ASNS: variants seen among roughly 807,000 people sequenced by gnomAD.
The protein encoded by ASNS is asparagine synthetase (glutamine-hydrolyzing), also known as asparagine synthetase [glutamine-hydrolyzing].
A neutral mutation model predicts 62.6 loss-of-function variants in ASNS; 37 were observed. The ratio of observed to expected loss-of-function variants is 0.59; its 90% CI spans 0.45 to 0.78. The LOEUF (loss-of-function observed/expected upper bound fraction) is 0.78. ASNS is among the 30% of genes least tolerant of loss of function. The probability of loss-of-function intolerance (pLI) is 0.00; values close to 1 mark genes in which losing one functional copy is unlikely to be tolerated. For missense variants in ASNS, 520 were observed against 682.4 expected, an observed-to-expected ratio of 0.76 and a Z score of 2.65; for synonymous variants, 207 against 237.9, an observed-to-expected ratio of 0.87 and a Z score of 1.19.
At position 97,852,141 on chromosome 7, in the gene ASNS, C is replaced by T; in HGVS notation, c.*118G>A. 2.6e-6 allele frequency: 3 copies of T among 1,141,584 alleles called. No individual in the cohort carries two copies. The highest frequency in any genetic ancestry group is 3.7e-6 in the Non-Finnish European group (3 of 800,958). 70.7% of individuals were successfully genotyped at this position (1,141,584 alleles called of 1,614,324 possible). A position where few individuals can be genotyped will look rare whatever the true frequency, so the allele number is the denominator to read the frequency against. ...CTACAGCAATGGTTTAGATTTAGGA[C>T]TTTTATTTTTTTCACACCCAAGTTA... On this transcript the variant is annotated 3_prime_UTR_variant, in exon 13 of 13. Transcript: ENST00000394308.
intron 3 of ASNS, 70 bp from the exon 4 acceptor site, chr7:97,864,566 G>T: frequency 9.3e-7 from 1 of 1,073,442 alleles, no homozygotes; most frequent in Non-Finnish European, 1.4e-6. Context: ...TTATTGCAAA[G>T]ATGCTTCAGT....
rs1435561337 is a variant in ASNS, at chr7:97,858,967, G to T, written c.674-12C>A. On this transcript the variant is annotated splice_polypyrimidine_tract_variant and intron_variant, in intron 5 of 12. Transcript: ENST00000394308. ...TTCTATCTCAAAACCTATAAACACA[G>T]CAGTAAATCAAACAGCTCCAGAAAA... is the stretch of plus-strand genomic sequence containing the variant. 1.9e-6 allele frequency: 3 copies of T among 1,594,160 alleles called. No individual in the cohort carries two copies. Among genetic ancestry groups the T allele is most frequent in the Non-Finnish European group, 2.6e-6 (3 of 1,172,442 alleles).
chr7:97,898,318 GCTA>G, the ASNS span: 1 of 456,632 alleles, frequency 2.2e-6, no homozygotes, highest in African/African-American at 2.2e-5. Context: ...CTTCTTATTT[GCTA>G]CTGTTTTAAG....
chr7:97,886,782 G>T, the ASNS span, among the ~76,000 whole-genome samples: 31 of 152,062 alleles, frequency 2.0e-4, no homozygotes, highest in African/African-American at 4.8e-5. Context: ...AAGACCTTTT[G>T]GTTTTTTAAT....
the ASNS span, among the ~76,000 whole-genome samples, chr7:97,907,189 G>A: frequency 6.6e-5 from 10 of 152,136 alleles, no homozygotes; most frequent in Non-Finnish European, 1.5e-5. Context: ...TAGTTCAAAT[G>A]TTACCTCTTA....
At chr7:97,904,284 T>TCACA in the ASNS span, among the ~76,000 whole-genome samples, 18,817 of 134,642 alleles carry the variant, frequency 0.14, 1,495 homozygotes, top group East Asian at 0.3. Flanking sequence ...ACTACCAGTT[T>TCACA]CACACACACA....
chr7:97,917,016 C>G, the ASNS span, among the ~76,000 whole-genome samples: 1 of 152,096 alleles, frequency 6.6e-6, no homozygotes, highest in African/African-American at 2.4e-5. Context: ...CTTCTCTGTC[C>G]ATCTCCATCC....
the ASNS span, among the ~76,000 whole-genome samples, chr7:97,894,300 AC>A: frequency 6.6e-6 from 1 of 152,008 alleles, no homozygotes; most frequent in Non-Finnish European, 1.5e-5. Context: ...CTAATGATGC[AC>A]CTCAAGGAAC....
rs371145481 is a variant in ASNS, at chr7:97,853,298, T to C, written c.1320+7A>G. 1.2e-6 allele frequency: 2 copies of C among 1,613,806 alleles called. No homozygotes were observed. The highest frequency in any genetic ancestry group is 1.1e-5 in the South Asian group (1 of 91,034). Reference sequence around the variant, plus strand: ...TGGACAGTTTTACCTTGAGTTGATTTACCTACCTTTGGAATTCTCATTTCT... The same window carrying C: ...TGGACAGTTTTACCTTGAGTTGATTCACCTACCTTTGGAATTCTCATTTCT... On this transcript the variant is annotated splice_region_variant and intron_variant, in intron 11 of 12. Transcript: ENST00000394308.
At chr7:97,913,819 G>T in the ASNS span, among the ~76,000 whole-genome samples, 1 of 151,442 alleles carries the variant, frequency 6.6e-6, no homozygotes, top group Admixed American at 6.6e-5. Context: ...TGGATACATG[G>T]GTGGGTGGGT....
chr7:97,902,030 T>G, the ASNS span, among the ~76,000 whole-genome samples: 2 of 152,156 alleles, frequency 1.3e-5, no homozygotes, highest in Non-Finnish European at 2.9e-5. Flanking sequence ...AATGTGTATA[T>G]GGACAATATG....
intron 3 of ASNS, 146 bp downstream of exon 3, chr7:97,868,762 C>G: frequency 2.6e-6 from 3 of 1,157,302 alleles, no homozygotes; most frequent in Non-Finnish European, 3.6e-6. Context: ...TTCATCAGTT[C>G]CCTATTTACA....
intron 3 of ASNS, among the ~76,000 whole-genome samples, chr7:97,868,632 A>AT (rs957766692): frequency 2.6e-5 from 4 of 151,870 alleles, no homozygotes; most frequent in African/African-American, 9.7e-5. Flanking sequence ...TATGTTAGGA[A>AT]TTTTTTCAAA....
At chr7:97,914,143 GATGGATGC>G in the ASNS span, among the ~76,000 whole-genome samples, 1 of 121,366 alleles carries the variant, frequency 8.2e-6, no homozygotes, top group African/African-American at 3.4e-5. Context: ...TGGGTGGATG[GATGGATGC>G]ATGGATGGAT....
the ASNS span, among the ~76,000 whole-genome samples, chr7:97,883,731 T>C: frequency 6.6e-6 from 1 of 152,292 alleles, no homozygotes; most frequent in Admixed American, 6.5e-5. Flanking sequence ...CTCACGCCTG[T>C]AATCCCAGCA....
chr7:97,878,633 G>A, the ASNS span, among the ~76,000 whole-genome samples: 4 of 152,112 alleles, frequency 2.6e-5, no homozygotes, highest in East Asian at 1.9e-4. Context: ...ACTGCTCAAC[G>A]AAATAAAAGA....
At chr7:97,888,756 A>T in the ASNS span, among the ~76,000 whole-genome samples, 1 of 152,154 alleles carries the variant, frequency 6.6e-6, no homozygotes, top group Non-Finnish European at 1.5e-5. Flanking sequence ...GGTTAGTTGT[A>T]TTAATAGGAC....
chr7:97,881,033 C>T, the ASNS span, among the ~76,000 whole-genome samples: 3 of 152,262 alleles, frequency 2.0e-5, no homozygotes, highest in East Asian at 5.8e-4. Flanking sequence ...CTCTGTCTCC[C>T]GGGTTCAACC....
chr7:97,909,126 CT>C, the ASNS span: 5 of 152,064 alleles, frequency 3.3e-5, no homozygotes, highest in African/African-American at 1.2e-4. Flanking sequence ...TAAAAAGAAG[CT>C]TTTCTCTCGG....
Sources: allele counts gnomAD v4.1 joint callset (sites outside exome capture counted in the v4.1 genomes callset), GRCh38; gene constraint gnomAD v4.1.1; transcripts MANE v1.5; gene names NCBI Gene and HGNC (gene_info 2026-07-23, HGNC 2026-07-21).